The following SRP72 variants were observed in gnomAD, a reference collection of about 807,000 sequenced individuals.
The protein encoded by SRP72 is signal recognition particle subunit SRP72.
A neutral mutation model predicts 96.3 loss-of-function variants in SRP72; 49 were observed. The observed-to-expected ratio is 0.51, with a 90% confidence interval of 0.40 to 0.65. SRP72 has a LOEUF of 0.65. SRP72 is among the 30% of genes least tolerant of loss of function. The pLI is 0.00. For missense variants in SRP72, 736 were observed against 793.3 expected, an observed-to-expected ratio of 0.93 and a Z score of 0.87; for synonymous variants, 267 against 275.2, an observed-to-expected ratio of 0.97 and a Z score of 0.30.
intron 12 of SRP72, among the ~76,000 whole-genome samples, chr4:56,488,521 C>T (rs1201408839): frequency 6.6e-6 from 1 of 152,144 alleles, no homozygotes; most frequent in African/African-American, 2.4e-5. Context: ...GTGCAGTTGG[C>T]ACTCAGTAAA....
intron 18 of SRP72, 124 bp from the exon 19 acceptor site, chr4:56,501,560 C>G: frequency 1.2e-6 from 1 of 819,632 alleles, no homozygotes; most frequent in Non-Finnish European, 1.9e-6. Flanking sequence ...GGGAGCTTAC[C>G]TTAAAAGAAG....
At chr4:56,494,134 G>A (rs536584996) in intron 16 of SRP72, among the ~76,000 whole-genome samples, 8 of 151,976 alleles carry the variant, frequency 5.3e-5, no homozygotes, top group African/African-American at 1.7e-4. Flanking sequence ...TAGTATGGCT[G>A]TGGAGTATAA....
At chr4:56,498,227 C>G (rs1477381433) in intron 17 of SRP72, among the ~76,000 whole-genome samples, 9 of 151,998 alleles carry the variant, frequency 5.9e-5, no homozygotes, top group Admixed American at 1.3e-4. Context: ...TTCAACACCC[C>G]TTCATGCTAA....
intron 9 of SRP72, among the ~76,000 whole-genome samples, chr4:56,484,026 A>ATGTTTTTTTT (rs1720606769): frequency 1.2e-5 from 1 of 86,606 alleles, no homozygotes; most frequent in East Asian, 5.4e-4. Context: ...AGAAGCAGTA[A>ATGTTTTTTTT]TTTTTTTTTT....
In SRP72 at chr4:56,467,728, C is replaced by G. The variant is rs1368858873; in HGVS notation, c.93C>G (p.Leu31=). The stretch of plus-strand genomic sequence containing the variant: ...AGAACGGCGACTTCACGCGCGCTCT[C>G]AAGACCGTCAATAAGAGTAAGTGTC... ...YGQNGDFTRA[L]KTVNKILQIN... is the part of the protein sequence containing the mutation. The change falls in exon 1 of 19, where the codon CTC becomes CTG. Residue 31 remains leucine (L), a synonymous_variant. Transcript: ENST00000642900. The G allele has an allele frequency of 3.9e-6, 6 of 1,538,950 alleles. No individual in the cohort carries two copies. The African/African-American group carries it at 8.6e-5, about 22-fold the overall frequency.
chr4:56,497,467 C>T (rs1433816682), intron 17 of SRP72, among the ~76,000 whole-genome samples: 1 of 152,074 alleles, frequency 6.6e-6, no homozygotes, highest in Non-Finnish European at 1.5e-5. Context: ...GATCTGCCCA[C>T]CTCGGCCTCC....
intron 9 of SRP72, among the ~76,000 whole-genome samples, chr4:56,483,689 A>C (rs1248915915): frequency 2.0e-5 from 3 of 152,168 alleles, no homozygotes; most frequent in African/African-American, 7.2e-5. Flanking sequence ...AAAAAAAGAA[A>C]GAATATTATG....
intron 5 of SRP72, chr4:56,474,626 C>G (rs1560676351): frequency 1.8e-6 from 1 of 546,574 alleles, no homozygotes; most frequent in Non-Finnish European, 3.2e-6. Flanking sequence ...TCACTGCAAC[C>G]TCTGTCTCCC....
At chr4:56,478,956 T>C (rs1457471585) in intron 8 of SRP72, among the ~76,000 whole-genome samples, 1 of 152,188 alleles carries the variant, frequency 6.6e-6, no homozygotes, top group Non-Finnish European at 1.5e-5. Context: ...TTTAAACTTT[T>C]AAGTATACGC....
At chr4:56,497,029 C>CT (rs546862770) in intron 17 of SRP72, among the ~76,000 whole-genome samples, 39 of 152,048 alleles carry the variant, frequency 2.6e-4, no homozygotes, top group African/African-American at 9.2e-4. Flanking sequence ...AATTACTTAA[C>CT]TTTTTTATGT....
intron 16 of SRP72, among the ~76,000 whole-genome samples, chr4:56,492,949 C>T (rs1720956672): frequency 6.6e-6 from 1 of 152,158 alleles, no homozygotes; most frequent in Middle Eastern, 3.2e-3. Flanking sequence ...TGCATCACTG[C>T]ACCCCAGCCT....
At chr4:56,499,903 GAC>G (rs1428799044) in intron 17 of SRP72, among the ~76,000 whole-genome samples, 3 of 152,160 alleles carry the variant, frequency 2.0e-5, no homozygotes, top group African/African-American at 7.2e-5. Flanking sequence ...CTGCTATAAA[GAC>G]ACATGCACAC....
chr4:56,478,149 C>CT (rs1202292736), intron 6 of SRP72, among the ~76,000 whole-genome samples: 40 of 140,978 alleles, frequency 2.8e-4, no homozygotes, highest in Non-Finnish European at 5.7e-4. Flanking sequence ...ATCTTTTTGC[C>CT]TTTTCTTTTT....
Position 56,491,436 on chromosome 4 carries a change from G to A in SRP72, c.1508G>A (p.Ser503Asn). ...LVDPEKAKAL[S>N]KHLPSSDSMS... Reference sequence around the variant, plus strand: ...GAACTCCTGTTCTATCACAGTCTTAGTAAACACTTGCCATCGTCAGATAGT... The same window carrying A: ...GAACTCCTGTTCTATCACAGTCTTAATAAACACTTGCCATCGTCAGATAGT... Residue 503 changes from serine (S) to asparagine (N), a missense_variant, in exon 16 of 19, where the codon AGT becomes AAT. By Grantham distance (46) the Ser-to-Asn change is conservative (BLOSUM62 1). This residue lies in a region of SRP72 where 388 missense variants were observed against 431.8 expected (regional missense o/e 0.90). Coordinates refer to ENST00000642900, the MANE Select transcript of SRP72 (RefSeq NM_006947.4). The A allele has an allele frequency of 6.2e-7, 1 of 1,613,596 alleles. No individual in the cohort carries two copies. The highest frequency in any genetic ancestry group is 1.3e-5 in the African/African-American group (1 of 75,012).
chr4:56,495,689 A>G (rs1315384417), intron 17 of SRP72, among the ~76,000 whole-genome samples: 1 of 152,230 alleles, frequency 6.6e-6, no homozygotes, highest in African/African-American at 2.4e-5. Flanking sequence ...TATATCTTGT[A>G]GTATTAGATA....
rs1331719865 is a variant in SRP72, at chr4:56,483,364, GTTTGTATTTTGTC to G, written c.957+97_957+109del. 7 of 1,311,934 alleles carry G rather than the reference GTTTGTATTTTGTC, an allele frequency of 5.3e-6. No individual in the cohort carries two copies. The African/African-American group carries it at 9.1e-5, about 17-fold the overall frequency. 81.3% of individuals were successfully genotyped at this position (1,311,934 alleles called of 1,614,324 possible). On this transcript the variant is annotated intron_variant, in intron 9 of 18. Coordinates refer to ENST00000642900, the MANE Select transcript of SRP72 (RefSeq NM_006947.4). ...TTAGTCTAATCTTTTTATAGTTTTT[GTTTGTATTTTGTC>G]TTCAACTCATAAATATATTTTTTTG... is the stretch of plus-strand genomic sequence containing the variant.
chr4:56,499,130 G>A (rs1312455617), intron 17 of SRP72, among the ~76,000 whole-genome samples: 1 of 152,132 alleles, frequency 6.6e-6, no homozygotes, highest in African/African-American at 2.4e-5. Context: ...ACAACCATCT[G>A]ATCTTTGACA....
chr4:56,476,600 G>T lies in SRP72; in HGVS notation c.611-71G>T, dbSNP rs1013632281. 2.5e-5 allele frequency: 38 copies of T among 1,503,918 alleles called. No individual in the cohort carries two copies. In the South Asian group the frequency reaches 4.3e-4, roughly 17 times the overall value. 93.2% of individuals were successfully genotyped at this position (1,503,918 alleles called of 1,614,324 possible). ...TCTTCTGCTTAGGAATTTAGATCTT[G>T]CTCTTTGGAATAGTGAAAGAAATGG... On this transcript the variant is annotated intron_variant, in intron 5 of 18. Transcript: ENST00000642900.
chr4:56,488,461 A>G (rs1343824734), intron 12 of SRP72, among the ~76,000 whole-genome samples: 1 of 152,150 alleles, frequency 6.6e-6, no homozygotes, highest in Non-Finnish European at 1.5e-5. Context: ...TAGTATGTGC[A>G]TCTTTTGGAC....
Sources: gnomAD v4.1 joint callset for allele counts (sites outside exome capture counted in the v4.1 genomes callset) on GRCh38, gnomAD v4.1.1 for gene constraint, gnomAD v4.1.1 regional missense constraint, MANE v1.5 for transcripts, NCBI Gene and HGNC (gene_info 2026-07-23, HGNC 2026-07-21) for gene names.